The following ATP8A2 variants were observed in gnomAD, a reference collection of about 807,000 sequenced individuals.
The protein encoded by ATP8A2 is phospholipid-transporting ATPase IB.
A neutral mutation model predicts 165.6 loss-of-function variants in ATP8A2; 100 were observed. The observed-to-expected ratio is 0.60, with a 90% CI of 0.51 to 0.71. The LOEUF is 0.71. ATP8A2 is among the 30% of genes least tolerant of loss of function. The probability of loss-of-function intolerance (pLI) is 0.00; values close to 1 mark genes in which losing one functional copy is unlikely to be tolerated. For synonymous variants in ATP8A2, 543 were observed against 548.8 expected (o/e 0.99, Z 0.15); for missense variants, 1,227 against 1,479.5 (o/e 0.83, Z 2.80).
intron 24 of ATP8A2, 98 bp downstream of exon 24, chr13:25,589,797 AAC>A: frequency 5.5e-6 from 4 of 729,990 alleles, no homozygotes; most frequent in Non-Finnish European, 2.3e-6. Flanking sequence ...TTTGCTAAAA[AAC>A]AGTTATGAAA....
At chr13:25,540,293 T>C in intron 7 of ATP8A2, 26 bp from the exon 8 acceptor site, 1 of 1,579,410 alleles carries the variant, frequency 6.3e-7, no homozygotes, top group South Asian at 1.1e-5. Flanking sequence ...CTTATGAAAC[T>C]TGGCTCTTTT....
At chr13:25,516,529 A>C (rs2037476068) in intron 2 of ATP8A2, among the ~76,000 whole-genome samples, 1 of 152,190 alleles carries the variant, frequency 6.6e-6, no homozygotes, top group African/African-American at 2.4e-5. Flanking sequence ...TTAGAGTTTC[A>C]CACGCTGACC....
At chr13:25,797,804 A>G (rs1950528239) in intron 27 of ATP8A2, among the ~76,000 whole-genome samples, 1 of 152,166 alleles carries the variant, frequency 6.6e-6, no homozygotes, top group Admixed American at 6.5e-5. Context: ...TTAAGTGTTA[A>G]AGTTTTGGTA....
At chr13:25,985,326 C>A (rs1956257258) in intron 35 of ATP8A2, among the ~76,000 whole-genome samples, 4 of 152,240 alleles carry the variant, frequency 2.6e-5, no homozygotes, top group Admixed American at 2.6e-4. Context: ...TAGCCAAGTT[C>A]TTTCTTTCTT....
chr13:25,988,299 G>T (rs1035898716), intron 35 of ATP8A2, among the ~76,000 whole-genome samples: 1 of 152,240 alleles, frequency 6.6e-6, no homozygotes, highest in African/African-American at 2.4e-5. Flanking sequence ...ACCAGCACCT[G>T]CACAGGCAGA....
chr13:25,436,781 CT>C (rs36121982), intron 1 of ATP8A2, among the ~76,000 whole-genome samples: 41,666 of 144,592 alleles, frequency 0.29, 5,961 homozygotes, highest in East Asian at 0.4. Flanking sequence ...TGTTTTATGA[CT>C]TTTTTTTTTT....
intron 2 of ATP8A2, among the ~76,000 whole-genome samples, chr13:25,484,770 G>A (rs567985153): frequency 5.3e-5 from 8 of 152,272 alleles, no homozygotes; most frequent in Non-Finnish European, 7.4e-5. Flanking sequence ...GCCTGCCTCA[G>A]CCTCCCAAAT....
chr13:25,920,160 C>G (rs555230722), intron 33 of ATP8A2, among the ~76,000 whole-genome samples: 4 of 152,244 alleles, frequency 2.6e-5, no homozygotes, highest in Admixed American at 1.3e-4. Flanking sequence ...TTCCAGCTAG[C>G]CCAACTCCTT....
intron 25 of ATP8A2, among the ~76,000 whole-genome samples, chr13:25,761,728 G>T (rs1197910545): frequency 6.6e-6 from 1 of 151,324 alleles, no homozygotes; most frequent in East Asian, 1.9e-4. Flanking sequence ...TAAATAATTT[G>T]TTTGGATGAT....
chr13:25,719,251 G>A (rs3117858), intron 25 of ATP8A2, among the ~76,000 whole-genome samples: 36,902 of 152,118 alleles, frequency 0.24, 6,734 homozygotes, highest in African/African-American at 0.51. Context: ...CTCCTTTGGG[G>A]ATTGCTTGTT....
At chr13:25,725,064 TTTAA>T (rs2043464033) in intron 25 of ATP8A2, among the ~76,000 whole-genome samples, 2 of 152,190 alleles carry the variant, frequency 1.3e-5, no homozygotes, top group African/African-American at 4.8e-5. Flanking sequence ...AAGTGTAGCC[TTTAA>T]ACAAGCGCTC....
chr13:25,382,965 C>T (rs918078729), intron 1 of ATP8A2, among the ~76,000 whole-genome samples: 2 of 151,028 alleles, frequency 1.3e-5, no homozygotes, highest in African/African-American at 4.9e-5. Flanking sequence ...TCATGTTAGC[C>T]AGGATGGTCT....
intron 1 of ATP8A2, among the ~76,000 whole-genome samples, chr13:25,432,441 T>C (rs1403415331): frequency 6.6e-6 from 1 of 152,222 alleles, no homozygotes; most frequent in Non-Finnish European, 1.5e-5. Flanking sequence ...GGTGACATTC[T>C]TTCCTTGGGG....
chr13:25,490,570 G>A (rs12870253), intron 2 of ATP8A2, among the ~76,000 whole-genome samples: 41,547 of 152,056 alleles, frequency 0.27, 6,798 homozygotes, highest in Middle Eastern at 0.39. Flanking sequence ...GTCTGCCTGA[G>A]GTGCAGGCAA....
intron 35 of ATP8A2, among the ~76,000 whole-genome samples, chr13:25,996,903 C>T (rs1001679468): frequency 3.3e-5 from 5 of 152,206 alleles, no homozygotes; most frequent in African/African-American, 1.2e-4. Context: ...AGGCTGGTCT[C>T]GAACTCCTGA....
chr13:25,947,780 G>A (rs923298340), intron 33 of ATP8A2, among the ~76,000 whole-genome samples: 3 of 152,246 alleles, frequency 2.0e-5, no homozygotes, highest in South Asian at 2.1e-4. Context: ...GTGCAGCTAC[G>A]TGGACAACAC....
intron 22 of ATP8A2, among the ~76,000 whole-genome samples, chr13:25,580,853 C>T (rs1358917016): frequency 6.6e-6 from 1 of 152,104 alleles, no homozygotes; most frequent in Non-Finnish European, 1.5e-5. Flanking sequence ...GTTTCCATAA[C>T]TTTGAAACCA....
intron 25 of ATP8A2, among the ~76,000 whole-genome samples, chr13:25,743,856 G>A (rs888230727): frequency 2.0e-5 from 3 of 152,208 alleles, no homozygotes; most frequent in Non-Finnish European, 4.4e-5. Flanking sequence ...AGGCGGTGAG[G>A]AACATGCATA....
chr13:25,553,705 C>G, intron 11 of ATP8A2, 88 bp from the exon 12 acceptor site: 1 of 1,362,974 alleles, frequency 7.3e-7, no homozygotes, highest in Non-Finnish European at 1.0e-6. Flanking sequence ...GCAGGAGGTG[C>G]TCAATAACTA....
Sources: allele counts gnomAD v4.1 joint callset (sites outside exome capture counted in the v4.1 genomes callset), GRCh38; gene constraint gnomAD v4.1.1; transcripts MANE v1.5; gene names NCBI Gene and HGNC (gene_info 2026-07-23, HGNC 2026-07-21).